The following IQSEC2 variants were observed in gnomAD, a reference collection of about 807,000 sequenced individuals.
IQSEC2 encodes the protein IQ motif and Sec7 domain ArfGEF 2.
In IQSEC2, 6 loss-of-function variants were observed where a neutral mutation model predicts 74.6. The observed-to-expected ratio is 0.08, with a 90% CI of 0.04 to 0.16. The LOEUF (loss-of-function observed/expected upper bound fraction) is 0.16. Among genes scored for constraint, IQSEC2 ranks in the 10% least tolerant of loss-of-function variants. The pLI is 1.00. For missense variants in IQSEC2, 734 were observed against 1,306.2 expected (o/e 0.56, Z 6.75); for synonymous variants, 494 against 544.5 (o/e 0.91, Z 1.29).
At chrX:53,316,583 C>T (rs187813199) in intron 1 of IQSEC2, among the ~76,000 whole-genome samples, 8 of 111,273 alleles carry the variant, frequency 7.2e-5, no homozygotes, top group Admixed American at 4.8e-4. Context: ...CACTTTGGGA[C>T]GCCAAGGAGG....
At chrX:53,228,612 T>C (rs2074052288), downstream of IQSEC2, among the ~76,000 whole-genome samples, 1 of 112,017 alleles carries the variant, frequency 8.9e-6, no homozygotes, top group African/African-American at 3.2e-5. Context: ...GACACTGACT[T>C]TGTGTCTCAC....
At chrX:53,319,746 G>A (rs2075410576) in intron 1 of IQSEC2, among the ~76,000 whole-genome samples, 1 of 111,481 alleles carries the variant, frequency 9.0e-6, no homozygotes, top group South Asian at 3.7e-4. Context: ...TTCCCTTCCC[G>A]GTAGGGCTCT....
At chrX:53,294,015 C>A (rs1348484221) in intron 1 of IQSEC2, among the ~76,000 whole-genome samples, 1 of 111,527 alleles carries the variant, frequency 9.0e-6, no homozygotes, top group Admixed American at 9.6e-5. Context: ...CATGTTCCTA[C>A]CACCACGCTC....
intron 10 of IQSEC2, chrX:53,239,607 C>A: frequency 3.7e-6 from 1 of 269,257 alleles, no homozygotes; most frequent in South Asian, 4.0e-5. Flanking sequence ...CTTTTCTGAG[C>A]TCCAGAATGG....
intron 2 of IQSEC2, among the ~76,000 whole-genome samples, chrX:53,268,768 T>C (rs1426356376): frequency 1.8e-5 from 2 of 112,191 alleles, no homozygotes; most frequent in Non-Finnish European, 3.8e-5. Context: ...ACCAGGCCTT[T>C]CCTGTTAGAT....
intron 1 of IQSEC2, among the ~76,000 whole-genome samples, chrX:53,304,152 A>G (rs1034656291): frequency 6.3e-5 from 7 of 111,000 alleles, no homozygotes; most frequent in Admixed American, 9.6e-5. Flanking sequence ...AAAAAAAGGA[A>G]GATGATTCAG....
At chrX:53,266,138 G>A (rs181517828) in intron 2 of IQSEC2, among the ~76,000 whole-genome samples, 1 of 111,816 alleles carries the variant, frequency 8.9e-6, no homozygotes, top group Admixed American at 9.5e-5. Context: ...ACACATCCAA[G>A]GTTAGCCTGC....
chrX:53,259,798 TC>T, intron 2 of IQSEC2, among the ~76,000 whole-genome samples: 1 of 105,995 alleles, frequency 9.4e-6, no homozygotes, highest in South Asian at 4.4e-4. Context: ...AGACCCTGTC[TC>T]AAAAACAAAA....
intron 10 of IQSEC2, among the ~76,000 whole-genome samples, chrX:53,240,965 G>A (rs2074210303): frequency 9.0e-6 from 1 of 111,013 alleles, no homozygotes; most frequent in African/African-American, 3.3e-5. Flanking sequence ...TAGTAGAGAC[G>A]AGGTTTCTCC....
chrX:53,305,831 T>TCTCC (rs1385031586), intron 1 of IQSEC2, among the ~76,000 whole-genome samples: 1 of 110,651 alleles, frequency 9.0e-6, no homozygotes, highest in Non-Finnish European at 1.9e-5. Flanking sequence ...CTGTCTCCTG[T>TCTCC]CTCCCCACCA....
chrX:53,301,812 A>G (rs1488206284), intron 1 of IQSEC2, among the ~76,000 whole-genome samples: 1 of 112,518 alleles, frequency 8.9e-6, no homozygotes, highest in African/African-American at 3.2e-5. Context: ...TAGCCTTCAC[A>G]GATCTGGGTT....
chrX:53,260,529 T>C (rs1038696642), intron 2 of IQSEC2, among the ~76,000 whole-genome samples: 1 of 111,476 alleles, frequency 9.0e-6, no homozygotes, highest in Non-Finnish European at 1.9e-5. Flanking sequence ...TTCAACTTCC[T>C]CACTGTGGCC....
chrX:53,247,039 G>A lies in IQSEC2; in HGVS notation c.2679C>T (p.Thr893=), dbSNP rs782193796. 3 of 1,209,851 alleles carry A rather than the reference G, an allele frequency of 2.5e-6. No individual in the cohort carries two copies. Among genetic ancestry groups the A allele is most frequent in the Admixed American group, 2.2e-5 (1 of 45,927 alleles). The change falls in exon 8 of 15, where the codon ACC becomes ACT. Residue 893 remains threonine, a synonymous_variant. Coordinates refer to ENST00000642864, the MANE Select transcript of IQSEC2 (RefSeq NM_001111125.3). ...CTTTGACGCTGGGACTGTACATGTCGGTATTGAGGAGGATGATGGCAAAAG... is the reference window on the plus strand; with the variant it reads ...CTTTGACGCTGGGACTGTACATGTCAGTATTGAGGAGGATGATGGCAAAAG... The part of the protein sequence containing the change: ...ILAFAIILLN[T]DMYSPSVKAE...
rs1219825106 is a variant in IQSEC2 at position 53,233,357 on chromosome X, T to G, written c.*862A>C. On this transcript the variant is annotated 3_prime_UTR_variant, in exon 15 of 15. Coordinates refer to ENST00000642864, the MANE Select transcript of IQSEC2 (RefSeq NM_001111125.3). ...GGTGCCCCTGCCCCAGCGAGGTGTG[T>G]GTGGGTGATATCTGTAAAGTGCATT... The G allele has an allele frequency of 9.0e-6, 1 of 110,654 alleles. No individual in the cohort carries two copies. The highest frequency in any genetic ancestry group is 1.9e-5 in the Non-Finnish European group (1 of 52,764). 9.1% of individuals were successfully genotyped at this position (110,654 alleles called of 1,213,427 possible).
At chrX:53,243,192 GCCTT>G in intron 9 of IQSEC2, 136 bp downstream of exon 9, 1 of 487,702 alleles carries the variant, frequency 2.1e-6, no homozygotes. Context: ...CTGCACCACA[GCCTT>G]CTGAGGAATG....
intron 2 of IQSEC2, among the ~76,000 whole-genome samples, chrX:53,277,320 T>C (rs2074850575): frequency 9.1e-6 from 1 of 110,407 alleles, no homozygotes; most frequent in Non-Finnish European, 1.9e-5. Flanking sequence ...CAAGCGATTC[T>C]CCTGCCTCAG....
downstream of IQSEC2, chrX:53,230,547 G>A (rs1556858284): frequency 8.8e-6 from 1 of 113,526 alleles, no homozygotes; most frequent in African/African-American, 3.2e-5. Context: ...CAGCACTAGA[G>A]AACAAACATA....
At position 53,302,767 on chromosome X, in the gene IQSEC2, G is replaced by A. The variant is rs782029834; in HGVS notation, c.708-10843C>T. On this transcript the variant is annotated intron_variant, in intron 1 of 14. Transcript: ENST00000642864. ...AGCCTGGGGATCACAGGGAGATCCCGTCTCTACAATGAAATAAAAATTAGC... is the reference window on the plus strand; with the variant it reads ...AGCCTGGGGATCACAGGGAGATCCCATCTCTACAATGAAATAAAAATTAGC... Among the ~76,000 whole-genome samples, 18 of 111,577 alleles carry A rather than the reference G, an allele frequency of 1.6e-4. No individual in the cohort carries two copies. In the South Asian group the frequency reaches 4.1e-3, roughly 26 times the overall value.
intron 9 of IQSEC2, among the ~76,000 whole-genome samples, chrX:53,242,758 G>C (rs1335276468): frequency 9.1e-6 from 1 of 110,114 alleles, no homozygotes; most frequent in Non-Finnish European, 1.9e-5. Flanking sequence ...TTTTTGAGAC[G>C]GAGTCTTGCT....
Sources: gnomAD v4.1 joint callset for allele counts (sites outside exome capture counted in the v4.1 genomes callset) on GRCh38, gnomAD v4.1.1 for gene constraint, MANE v1.5 for transcripts, NCBI Gene and HGNC (gene_info 2026-07-23, HGNC 2026-07-21) for gene names.